The following LSAMP variants were observed in gnomAD, a reference collection of about 807,000 sequenced individuals.
The protein encoded by LSAMP is limbic system-associated membrane protein.
A neutral mutation model predicts 38.6 loss-of-function variants in LSAMP; 7 were observed. That is an observed-to-expected ratio of 0.18 (90% CI 0.10 to 0.34). The LOEUF is 0.34. LSAMP is among the 10% of genes least tolerant of loss of function. The pLI is 1.00. For missense variants in LSAMP, 313 were observed against 420.0 expected, an observed-to-expected ratio of 0.75 and a Z score of 2.23; for synonymous variants, 154 against 166.8, an observed-to-expected ratio of 0.92 and a Z score of 0.59.
rs1576336789 is a variant in LSAMP, at chr3:116,055,483, G to A, written c.388+30841C>T. 3.3e-5 allele frequency among the ~76,000 whole-genome samples: 5 copies of A among 152,278 alleles called. No homozygotes were observed. In the South Asian group the frequency reaches 1.0e-3, roughly 32 times the overall value. ...AGTCTATTTAGAATGACGTAGGTAAGTTTTCTCTAGAAGTAAGACTTGAAG... is the reference window on the plus strand; with the variant it reads ...AGTCTATTTAGAATGACGTAGGTAAATTTTCTCTAGAAGTAAGACTTGAAG... On this transcript the variant is annotated intron_variant, in intron 2 of 6. Coordinates refer to ENST00000490035, the MANE Select transcript of LSAMP (RefSeq NM_002338.5).
chr3:115,868,923 T>A (rs932543323), intron 3 of LSAMP, among the ~76,000 whole-genome samples: 36 of 151,986 alleles, frequency 2.4e-4, no homozygotes, highest in African/African-American at 7.2e-4. Context: ...ATGGTAAACT[T>A]CAATACACAC....
At chr3:116,092,470 T>C (rs1187250619) in intron 1 of LSAMP, among the ~76,000 whole-genome samples, 1 of 152,146 alleles carries the variant, frequency 6.6e-6, no homozygotes, top group African/African-American at 2.4e-5. Flanking sequence ...AACCCTCAAA[T>C]ATTAGATGGG....
At chr3:116,135,682 T>C (rs1709232029) in intron 1 of LSAMP, among the ~76,000 whole-genome samples, 1 of 152,160 alleles carries the variant, frequency 6.6e-6, no homozygotes, top group African/African-American at 2.4e-5. Context: ...CAACTCCCTG[T>C]CAAGTAGAGG....
At chr3:116,305,248 G>A (rs1283766362) in intron 1 of LSAMP, among the ~76,000 whole-genome samples, 1 of 152,082 alleles carries the variant, frequency 6.6e-6, no homozygotes, top group East Asian at 1.9e-4. Context: ...TTCATTTTAA[G>A]ATCAGCTAAT....
At chr3:116,265,847 A>G (rs2046884828) in intron 1 of LSAMP, among the ~76,000 whole-genome samples, 1 of 152,244 alleles carries the variant, frequency 6.6e-6, no homozygotes, top group African/African-American at 2.4e-5. Flanking sequence ...GACTAGTCCA[A>G]TAACATCAGT....
rs374608044 is a variant in LSAMP, at chr3:116,113,420, A to ATTTTTTTT, written c.156-26872_156-26865dup. Among the ~76,000 whole-genome samples the ATTTTTTTT allele has an allele frequency of 8.2e-4, 42 of 51,030 alleles. 2 individuals carry two copies. The highest frequency in any genetic ancestry group is 2.7e-3 in the African/African-American group (28 of 10,432). The allele number at this position is 51,030 out of a possible 152,430, so 33.5% of individuals were successfully genotyped here. On this transcript the variant is annotated intron_variant, in intron 1 of 6. Coordinates refer to ENST00000490035, the MANE Select transcript of LSAMP (RefSeq NM_002338.5). ...TTGCCCTATATATATATATATATATATTTTTTTTTTTTTTTTTTTTTTTGA... is the reference window on the plus strand; with the variant it reads ...TTGCCCTATATATATATATATATATATTTTTTTTTTTTTTTTTTTTTTTTTTTTTTTGA...
intron 3 of LSAMP, among the ~76,000 whole-genome samples, chr3:115,998,500 T>G (rs1247247254): frequency 1.3e-5 from 2 of 152,000 alleles, no homozygotes; most frequent in Non-Finnish European, 2.9e-5. Flanking sequence ...GGACTTTCAG[T>G]GGTCACTAGA....
chr3:115,852,592 T>G lies in LSAMP; in HGVS notation c.540A>C (p.Glu180Asp), dbSNP rs1176342016. 1 of 1,612,748 alleles carries G rather than the reference T, an allele frequency of 6.2e-7. No homozygotes were observed. The highest frequency in any genetic ancestry group is 1.1e-5 in the South Asian group (1 of 90,684). Residue 180 changes from glutamate to aspartate, a missense_variant, in exon 4 of 7, where the codon GAA becomes GAC. Physicochemically the swap from Glu to Asp is conservative, Grantham distance 45. Transcript: ENST00000490035. ...TGGTGATGCCAAGGATCTCCAGATA[T>G]TCTTCTTCTCCTTCAAATTCCCTTC... The part of the protein sequence containing the change: ...PTGREFEGEE[E>D]YLEILGITRE...
intron 1 of LSAMP, among the ~76,000 whole-genome samples, chr3:116,118,983 G>GGGT (rs780759586): frequency 3.3e-5 from 5 of 152,110 alleles, no homozygotes; most frequent in Non-Finnish European, 5.9e-5. Flanking sequence ...CAGTAAGTCT[G>GGGT]GGTGAGGTTG....
At chr3:116,172,383 G>A (rs997607043) in intron 1 of LSAMP, among the ~76,000 whole-genome samples, 4 of 149,196 alleles carry the variant, frequency 2.7e-5, no homozygotes, top group Admixed American at 2.7e-4. Flanking sequence ...AAGCTGTTAA[G>A]TTCTTTTACC....
At chr3:116,131,201 C>T (rs1222707425) in intron 1 of LSAMP, among the ~76,000 whole-genome samples, 2 of 151,988 alleles carry the variant, frequency 1.3e-5, no homozygotes. Context: ...CTGTATTAGC[C>T]AGGATGGTCT....
chr3:115,985,832 C>T (rs1268260516), intron 3 of LSAMP, among the ~76,000 whole-genome samples: 1 of 152,188 alleles, frequency 6.6e-6, no homozygotes, highest in Non-Finnish European at 1.5e-5. Context: ...CAGACTGTAG[C>T]CACAGCTGAC....
intron 3 of LSAMP, among the ~76,000 whole-genome samples, chr3:115,976,144 G>T (rs1291385197): frequency 6.6e-6 from 1 of 152,154 alleles, no homozygotes; most frequent in African/African-American, 2.4e-5. Context: ...GTGGCTGCAT[G>T]ATTAGTCTCC....
chr3:116,140,105 C>T (rs1490908747), intron 1 of LSAMP, among the ~76,000 whole-genome samples: 1 of 151,936 alleles, frequency 6.6e-6, no homozygotes, highest in Non-Finnish European at 1.5e-5. Flanking sequence ...GGTCTTAGGT[C>T]CTATAATCTT....
At chr3:116,235,805 C>T (rs115930484) in intron 1 of LSAMP, among the ~76,000 whole-genome samples, 3,318 of 152,206 alleles carry the variant, frequency 0.022, 69 homozygotes, top group Middle Eastern at 0.034. Flanking sequence ...TCTGTTCTTA[C>T]TTTTGAAATA....
At chr3:116,054,596 C>T (rs530813602) in intron 2 of LSAMP, among the ~76,000 whole-genome samples, 2 of 152,176 alleles carry the variant, frequency 1.3e-5, no homozygotes, top group Admixed American at 1.3e-4. Context: ...CACTCCTCCA[C>T]CAACACCTTC....
chr3:116,265,443 G>A (rs1465045168), intron 1 of LSAMP, among the ~76,000 whole-genome samples: 1 of 152,150 alleles, frequency 6.6e-6, no homozygotes, highest in Non-Finnish European at 1.5e-5. Context: ...CACATTGACG[G>A]TTCATAGCCT....
chr3:116,246,219 CATTCTT>C (rs1335330980), intron 1 of LSAMP, among the ~76,000 whole-genome samples: 2 of 152,154 alleles, frequency 1.3e-5, no homozygotes, highest in Non-Finnish European at 2.9e-5. Flanking sequence ...GTGTAAAACA[CATTCTT>C]ATTCTTCCAT....
chr3:116,237,835 A>G (rs756969915), intron 1 of LSAMP, among the ~76,000 whole-genome samples: 10 of 152,182 alleles, frequency 6.6e-5, no homozygotes, highest in Non-Finnish European at 1.2e-4. Context: ...TGCATATTTT[A>G]GAATTGATGA....
Sources: allele counts gnomAD v4.1 joint callset (sites outside exome capture counted in the v4.1 genomes callset), GRCh38; gene constraint gnomAD v4.1.1; transcripts MANE v1.5; gene names NCBI Gene and HGNC (gene_info 2026-07-23, HGNC 2026-07-21).